The following PRIMPOL variants were observed in gnomAD, a reference collection of about 807,000 sequenced individuals.
PRIMPOL encodes DNA-directed primase/polymerase protein.
Under a neutral mutation model 63.6 loss-of-function variants are expected in PRIMPOL, and 54 were observed. That is an observed-to-expected ratio of 0.85 (90% confidence interval 0.68 to 1.07). PRIMPOL has a LOEUF of 1.07. Among genes scored for constraint, PRIMPOL ranks in the 50% least tolerant of loss-of-function variants. The pLI is 0.00. For missense variants in PRIMPOL, 610 were observed against 648.3 expected, an observed-to-expected ratio of 0.94 and a Z score of 0.64; for synonymous variants, 197 against 220.2, an observed-to-expected ratio of 0.89 and a Z score of 0.93.
At chr4:184,664,119 T>C (rs1749145856) in intron 5 of PRIMPOL, among the ~76,000 whole-genome samples, 2 of 152,228 alleles carry the variant, frequency 1.3e-5, no homozygotes, top group Non-Finnish European at 2.9e-5. Context: ...AATTTAATTA[T>C]TTAAGTAACT....
chr4:184,675,287 A>C (rs1178906497), intron 7 of PRIMPOL, among the ~76,000 whole-genome samples: 1 of 152,244 alleles, frequency 6.6e-6, no homozygotes, highest in Non-Finnish European at 1.5e-5. Context: ...CATCATGTAC[A>C]GTCAGCAAGG....
chr4:184,659,199 CTTGTT>C (rs1747544681), intron 3 of PRIMPOL, 136 bp from the exon 4 acceptor site: 1 of 640,640 alleles, frequency 1.6e-6, no homozygotes, highest in East Asian at 2.8e-5. Flanking sequence ...GACTATTTGT[CTTGTT>C]TTTAATAATA....
At chr4:184,679,593 T>C (rs1755049855) in intron 8 of PRIMPOL, among the ~76,000 whole-genome samples, 2 of 152,224 alleles carry the variant, frequency 1.3e-5, no homozygotes, top group South Asian at 2.1e-4. Flanking sequence ...TGAATCCAGT[T>C]GTTTTTCTCA....
rs1248931414 is a variant in PRIMPOL, at chr4:184,685,583, G to A, written c.1194G>A (p.Arg398=). Residue 398 remains arginine, a synonymous_variant, in exon 11 of 14, where the codon CGG becomes CGA. Transcript: ENST00000314970. ...VNKDGIKGGI[R]RWNYFFPEEL... Reference sequence around the variant, plus strand: ...ACATTATTTGCATTTTAGGAATTCGGCGTTGGAACTACTTTTTCCCAGAAG... The same window carrying A: ...ACATTATTTGCATTTTAGGAATTCGACGTTGGAACTACTTTTTCCCAGAAG... 1 of 1,610,734 alleles carries A rather than the reference G, an allele frequency of 6.2e-7. No homozygotes were observed. Among genetic ancestry groups the A allele is most frequent in the African/African-American group, 1.3e-5 (1 of 74,768 alleles).
At chr4:184,691,640 ATAGT>A in intron 12 of PRIMPOL, 22 bp from the exon 13 acceptor site, 3 of 1,607,222 alleles carry the variant, frequency 1.9e-6, no homozygotes, top group Non-Finnish European at 1.7e-6. Flanking sequence ...GTAATATGTA[ATAGT>A]TTTGCTATCT....
intron 11 of PRIMPOL, among the ~76,000 whole-genome samples, chr4:184,686,865 G>A (rs1002158209): frequency 3.3e-5 from 5 of 152,096 alleles, no homozygotes; most frequent in Non-Finnish European, 5.9e-5. Flanking sequence ...AAGCTATAAC[G>A]TAGAAAACAC....
At chr4:184,674,646 G>A (rs551527171) in intron 7 of PRIMPOL, among the ~76,000 whole-genome samples, 101 of 152,212 alleles carry the variant, frequency 6.6e-4, no homozygotes, top group African/African-American at 2.1e-3. Flanking sequence ...ACTCTTGACC[G>A]GAAGCCTCAT....
chr4:184,683,917 T>C (rs965347677), intron 9 of PRIMPOL, among the ~76,000 whole-genome samples: 6 of 151,178 alleles, frequency 4.0e-5, no homozygotes, highest in Admixed American at 2.6e-4. Flanking sequence ...AAACACCCAT[T>C]TGTGATGTTA....
At chr4:184,662,002 T>G in intron 5 of PRIMPOL, 99 bp downstream of exon 5, 15 of 1,026,920 alleles carry the variant, frequency 1.5e-5, no homozygotes, top group Non-Finnish European at 2.0e-5. Context: ...TCTGTATCTC[T>G]TCTTTTTCTT....
intron 6 of PRIMPOL, among the ~76,000 whole-genome samples, chr4:184,669,066 T>A (rs1287793344): frequency 6.6e-6 from 1 of 152,172 alleles, no homozygotes; most frequent in Non-Finnish European, 1.5e-5. Context: ...GTTCACCTGG[T>A]CCTCCTTACC....
chr4:184,675,760 T>A (rs965762078), intron 7 of PRIMPOL, among the ~76,000 whole-genome samples: 1 of 152,016 alleles, frequency 6.6e-6, no homozygotes, highest in African/African-American at 2.4e-5. Flanking sequence ...GAGGTTGCAG[T>A]GAGCCGAGAT....
At chr4:184,679,255 T>C (rs1016672699) in intron 8 of PRIMPOL, among the ~76,000 whole-genome samples, 25 of 152,266 alleles carry the variant, frequency 1.6e-4, no homozygotes, top group Admixed American at 4.6e-4. Flanking sequence ...GTGAGTTCTA[T>C]TGTTGAGCCT....
chr4:184,654,068 C>G (rs1026051386), intron 2 of PRIMPOL, among the ~76,000 whole-genome samples: 3 of 152,170 alleles, frequency 2.0e-5, no homozygotes, highest in African/African-American at 7.2e-5. Context: ...TTCAGTGAGT[C>G]TTAAGCTGTT....
At chr4:184,688,502 C>G (rs1374659151) in intron 11 of PRIMPOL, among the ~76,000 whole-genome samples, 1 of 152,146 alleles carries the variant, frequency 6.6e-6, no homozygotes, top group Non-Finnish European at 1.5e-5. Context: ...TGTAGGAATA[C>G]AAGGAATGAA....
At chr4:184,651,676 T>G (rs1174550074) in intron 1 of PRIMPOL, among the ~76,000 whole-genome samples, 1 of 152,166 alleles carries the variant, frequency 6.6e-6, no homozygotes, top group Non-Finnish European at 1.5e-5. Flanking sequence ...GAGACGGAGT[T>G]TCACCCTTGT....
At chr4:184,687,204 G>A (rs1389690128) in intron 11 of PRIMPOL, among the ~76,000 whole-genome samples, 2 of 152,090 alleles carry the variant, frequency 1.3e-5, no homozygotes, top group Non-Finnish European at 2.9e-5. Flanking sequence ...TCAAGTAGCT[G>A]GGATTACAAG....
Position 184,669,556 on chromosome 4 carries a change from C to T in PRIMPOL, c.557-2617C>T, listed in dbSNP as rs762959027. On this transcript the variant is annotated intron_variant, in intron 6 of 13. Coordinates refer to ENST00000314970, the MANE Select transcript of PRIMPOL (RefSeq NM_152683.4). Reference sequence around the variant, plus strand: ...TAGCCACAGGCCGAAAGCTGAGAATCTCTTGCTCAGGAAGAAGGAGAGAAT... The same window carrying T: ...TAGCCACAGGCCGAAAGCTGAGAATTTCTTGCTCAGGAAGAAGGAGAGAAT... Among the ~76,000 whole-genome samples the T allele has an allele frequency of 7.9e-5, 12 of 152,218 alleles. 1 individual carries two copies. The highest frequency in any genetic ancestry group is 1.6e-4 in the Non-Finnish European group (11 of 68,044).
At chr4:184,682,664 A>T (rs1481821650) in intron 9 of PRIMPOL, among the ~76,000 whole-genome samples, 2 of 152,200 alleles carry the variant, frequency 1.3e-5, no homozygotes, top group East Asian at 1.9e-4. Context: ...GGTAATTTTT[A>T]AAAAATAATT....
intron 5 of PRIMPOL, among the ~76,000 whole-genome samples, chr4:184,663,952 A>T (rs1749096171): frequency 6.6e-6 from 1 of 152,218 alleles, no homozygotes; most frequent in African/African-American, 2.4e-5. Flanking sequence ...ATAATTGGTG[A>T]TAATGTAAAA....
Sources: gnomAD v4.1 joint callset for allele counts (sites outside exome capture counted in the v4.1 genomes callset) on GRCh38, gnomAD v4.1.1 for gene constraint, MANE v1.5 for transcripts, NCBI Gene and HGNC (gene_info 2026-07-23, HGNC 2026-07-21) for gene names.